The following GNA11 variants were observed in gnomAD, a reference collection of about 807,000 sequenced individuals.
GNA11 encodes the protein G protein subunit alpha 11, also known as guanine nucleotide-binding protein subunit alpha-11.
A neutral mutation model predicts 38.2 loss-of-function variants in GNA11; 8 were observed. The observed-to-expected ratio is 0.21, with a 90% CI of 0.12 to 0.38. GNA11 has a LOEUF of 0.38. GNA11 is among the 10% of genes least tolerant of loss of function. The pLI is 1.00. For synonymous variants in GNA11, 211 were observed against 221.4 expected, an observed-to-expected ratio of 0.95 and a Z score of 0.42; for missense variants, 268 against 516.3, an observed-to-expected ratio of 0.52 and a Z score of 4.66.
At chr19:3,104,402 AG>A (rs1178507525) in intron 1 of GNA11, among the ~76,000 whole-genome samples, 3 of 152,154 alleles carry the variant, frequency 2.0e-5, no homozygotes, top group African/African-American at 7.2e-5. Context: ...TACCTCCTGC[AG>A]GCTCCCTAGC....
intron 1 of GNA11, among the ~76,000 whole-genome samples, chr19:3,107,255 C>T (rs1165589500): frequency 2.0e-5 from 3 of 152,140 alleles, no homozygotes; most frequent in Non-Finnish European, 4.4e-5. Flanking sequence ...AACACAACCC[C>T]AAACAGTAGT....
intron 1 of GNA11, among the ~76,000 whole-genome samples, chr19:3,098,388 C>T (rs1180281943): frequency 1.3e-5 from 2 of 152,228 alleles, no homozygotes; most frequent in Non-Finnish European, 2.9e-5. Context: ...TCCCCAGGCC[C>T]GCTGGGCTTC....
intron 3 of GNA11, among the ~76,000 whole-genome samples, chr19:3,113,753 AG>A (rs1913839317): frequency 6.6e-6 from 1 of 152,052 alleles, no homozygotes; most frequent in Non-Finnish European, 1.5e-5. Context: ...GTCAGGAGTG[AG>A]CTCCTGGCCA....
intron 4 of GNA11, chr19:3,118,121 A>G (rs107155): frequency 0.65 from 99,523 of 152,084 alleles, 33,152 homozygotes; most frequent in Middle Eastern, 0.73. Context: ...ACATGCCCAA[A>G]GCAGCCCCGC....
chr19:3,100,285 CA>C (rs1232837732), intron 1 of GNA11, among the ~76,000 whole-genome samples: 1 of 152,218 alleles, frequency 6.6e-6, no homozygotes, highest in Non-Finnish European at 1.5e-5. Context: ...AGACCAGGAG[CA>C]CCCCCAAGTT....
rs1004475324 is a variant in GNA11 at position 3,097,891 on chromosome 19, A to C, written c.136+3104A>C. Among the ~76,000 whole-genome samples the C allele has an allele frequency of 2.6e-5, 4 of 152,192 alleles. 1 individual carries two copies. The highest frequency in any genetic ancestry group is 9.6e-5 in the African/African-American group (4 of 41,456). ...AGTGTCCGAGGCCTCCACCCACTCC[A>C]TGCCAGGAGCTCCCCCAAGTCGTGA... On this transcript the variant is annotated intron_variant, in intron 1 of 6. Transcript: ENST00000078429.
At chr19:3,113,769 C>T (rs1278290002) in intron 3 of GNA11, among the ~76,000 whole-genome samples, 2 of 152,194 alleles carry the variant, frequency 1.3e-5, no homozygotes, top group East Asian at 1.9e-4. Context: ...TGGCCACCCT[C>T]GGTGCTGGAG....
chr19:3,121,272 C>G lies in GNA11; in HGVS notation c.*93C>G. ...GCCGGGCGGGTGGCGCTGCCGAGTC[C>G]GGGCCGGGGCCTCTGCCCGCGGGAG... On this transcript the variant is annotated 3_prime_UTR_variant, in exon 7 of 7. Transcript: ENST00000078429. 1 of 897,474 alleles carries G rather than the reference C, an allele frequency of 1.1e-6. No individual in the cohort carries two copies. Among genetic ancestry groups the G allele is most frequent in the Non-Finnish European group, 1.7e-6 (1 of 584,030 alleles). The allele number at this position is 897,474 out of a possible 1,614,324, so 55.6% of individuals were successfully genotyped here.
chr19:3,096,512 C>T (rs1053331889), intron 1 of GNA11, among the ~76,000 whole-genome samples: 5 of 152,190 alleles, frequency 3.3e-5, no homozygotes, highest in South Asian at 2.1e-4. Context: ...CCTGCATGCA[C>T]CCGGTCTTCT....
chr19:3,114,664 G>A (rs956431341), intron 3 of GNA11, among the ~76,000 whole-genome samples: 1 of 152,180 alleles, frequency 6.6e-6, no homozygotes, highest in Non-Finnish European at 1.5e-5. Flanking sequence ...CAAACCCCCC[G>A]AACCAGCTGG....
Position 3,110,105 on chromosome 19 carries a change from T to C in GNA11, c.137-44T>C. On this transcript the variant is annotated intron_variant, in intron 1 of 6. Transcript: ENST00000078429. This position sits in a 1 kb window ranked among gnomAD's most constrained non-coding sequence, Gnocchi z 5.4. ...GTAAGAGGGGGCAGCAGCACGAGAG[T>C]CAGGCCCCGGCTGCCGCCCGCCCTC... The C allele has an allele frequency of 6.6e-7, 1 of 1,507,392 alleles. No homozygotes were observed. Among genetic ancestry groups the C allele is most frequent in the African/African-American group, 1.4e-5 (1 of 72,390 alleles). 93.4% of individuals were successfully genotyped at this position (1,507,392 alleles called of 1,614,324 possible).
chr19:3,109,330 C>G (rs773009701), intron 1 of GNA11, among the ~76,000 whole-genome samples: 3 of 152,180 alleles, frequency 2.0e-5, no homozygotes, highest in Non-Finnish European at 4.4e-5. Flanking sequence ...TGGGGTGGAG[C>G]GACAGCTGGC....
At chr19:3,109,551 A>G (rs760601750) in intron 1 of GNA11, among the ~76,000 whole-genome samples, 1 of 152,198 alleles carries the variant, frequency 6.6e-6, no homozygotes, top group Non-Finnish European at 1.5e-5. Flanking sequence ...GGCAGGCACA[A>G]CGGTCCTGGC....
chr19:3,113,518 C>T (rs556684325), intron 3 of GNA11, 34 bp downstream of exon 3: 23 of 1,505,316 alleles, frequency 1.5e-5, no homozygotes, highest in East Asian at 4.8e-5. Flanking sequence ...GGCCTGGGGA[C>T]GGCAGCTGCG....
chr19:3,110,625 T>C lies in GNA11; in HGVS notation c.321+292T>C, dbSNP rs547588949. Among the ~76,000 whole-genome samples, 6 of 152,102 alleles carry C rather than the reference T, an allele frequency of 3.9e-5. No individual in the cohort carries two copies. The highest frequency in any genetic ancestry group is 8.8e-5 in the Non-Finnish European group (6 of 67,996). ...GGGGAAGCTGAGGCCCTGGGGAAGC[T>C]GAGGCCCTGTGAGGTGAGCCACTCG... is the stretch of plus-strand genomic sequence containing the variant. On this transcript the variant is annotated intron_variant, in intron 2 of 6. Transcript: ENST00000078429. The surrounding 1 kb of genome is among the most constrained non-coding windows in gnomAD (Gnocchi z 5.4).
intron 3 of GNA11, 60 bp downstream of exon 3, chr19:3,113,544 C>T: frequency 3.7e-6 from 5 of 1,364,920 alleles, no homozygotes; most frequent in Non-Finnish European, 5.0e-6. Flanking sequence ...GTGCCTGGGA[C>T]CCTTCGGGAA....
chr19:3,101,836 G>C (rs752106904), intron 1 of GNA11, among the ~76,000 whole-genome samples: 1 of 152,188 alleles, frequency 6.6e-6, no homozygotes, highest in Non-Finnish European at 1.5e-5. Context: ...GCTCATGCCT[G>C]TAATCCAAGT....
At position 3,119,124 on chromosome 19, in the gene GNA11, C is replaced by G. The variant is rs2145326638; in HGVS notation, c.735+71C>G. 6.2e-7 allele frequency: 1 copy of G among 1,603,234 alleles called. No individual in the cohort carries two copies. The highest frequency in any genetic ancestry group is 8.5e-7 in the Non-Finnish European group (1 of 1,171,380). On this transcript the variant is annotated intron_variant, in intron 5 of 6. Coordinates refer to ENST00000078429, the MANE Select transcript of GNA11 (RefSeq NM_002067.5). The surrounding 1 kb of genome is among the most constrained non-coding windows in gnomAD (Gnocchi z 4.6). The stretch of plus-strand genomic sequence containing the variant: ...CCCACCTGCCAAGCCTGGGTCCCCT[C>G]ACCTGGGTCCCCCCAGCTGCCCCTT...
In GNA11 at chr19:3,115,079, C is replaced by T. The variant is rs763661271; in HGVS notation, c.605+7C>T. 1.9e-6 allele frequency: 3 copies of T among 1,606,052 alleles called. No individual in the cohort carries two copies. Among genetic ancestry groups the T allele is most frequent in the Non-Finnish European group, 2.5e-6 (3 of 1,178,524 alleles). On this transcript the variant is annotated splice_region_variant and intron_variant, in intron 4 of 6. Transcript: ENST00000078429. ...TGGAGAACATCATCTTCCGGTACCG[C>T]CCGGGCCACAGCAGGCGGGGAGGGG...
Sources: gnomAD v4.1 joint callset for allele counts (sites outside exome capture counted in the v4.1 genomes callset) on GRCh38, gnomAD v4.1.1 for gene constraint, Gnocchi (gnomAD v3.1) non-coding constraint, MANE v1.5 for transcripts, NCBI Gene and HGNC (gene_info 2026-07-23, HGNC 2026-07-21) for gene names.